Variants in MIPEP observed in about 807,000 individuals in gnomAD.
MIPEP encodes mitochondrial intermediate peptidase.
MIPEP carries 79 observed loss-of-function variants against 90.3 expected under a neutral mutation model. The observed-to-expected ratio is 0.87, with a 90% CI of 0.73 to 1.05. The LOEUF (loss-of-function observed/expected upper bound fraction) is 1.05, where lower values mean the gene tolerates loss of function less well. Among genes scored for constraint, MIPEP ranks in the 50% least tolerant of loss-of-function variants. MIPEP has a pLI of 0.00. For synonymous variants in MIPEP, 334 were observed against 315.8 expected, an observed-to-expected ratio of 1.06 and a Z score of -0.61; for missense variants, 940 against 905.6, an observed-to-expected ratio of 1.04 and a Z score of -0.49.
At chr13:23,751,429 G>A (rs1952439322) in intron 18 of MIPEP, among the ~76,000 whole-genome samples, 1 of 152,210 alleles carries the variant, frequency 6.6e-6, no homozygotes, top group Admixed American at 6.5e-5. Flanking sequence ...AGTTTGTTGA[G>A]AATTGACTCA....
At chr13:23,746,408 T>C (rs1593129240) in intron 18 of MIPEP, among the ~76,000 whole-genome samples, 1 of 151,128 alleles carries the variant, frequency 6.6e-6, no homozygotes, top group African/African-American at 2.4e-5. Flanking sequence ...CTGGGGCAGG[T>C]GAATCACTTG....
chr13:23,744,727 C>T (rs531569565), intron 18 of MIPEP, among the ~76,000 whole-genome samples: 1 of 152,326 alleles, frequency 6.6e-6, no homozygotes, highest in Admixed American at 6.5e-5. Flanking sequence ...ACTTTTATGA[C>T]TCCCTCCTAG....
chr13:23,872,593 T>C lies in MIPEP; in HGVS notation c.603+2253A>G, dbSNP rs572789610. 2.0e-5 allele frequency among the ~76,000 whole-genome samples: 3 copies of C among 152,332 alleles called. No individual in the cohort carries two copies. In the East Asian group the frequency reaches 5.8e-4, roughly 29 times the overall value. On this transcript the variant is annotated intron_variant, in intron 5 of 18. Coordinates refer to ENST00000382172, the MANE Select transcript of MIPEP (RefSeq NM_005932.4). The stretch of plus-strand genomic sequence containing the variant: ...AAAAATGGAACATGTCTACTTTATA[T>C]CCTGTCCTAGTGGAGCACCTCTGAG...
At chr13:23,766,416 T>G (rs904842622) in intron 16 of MIPEP, among the ~76,000 whole-genome samples, 1 of 152,252 alleles carries the variant, frequency 6.6e-6, no homozygotes, top group Non-Finnish European at 1.5e-5. Flanking sequence ...AGCAAGTTCC[T>G]GAGCTCGTCT....
chr13:23,737,513 AC>A (rs1294787031), intron 18 of MIPEP, among the ~76,000 whole-genome samples: 1 of 152,108 alleles, frequency 6.6e-6, no homozygotes, highest in East Asian at 1.9e-4. Context: ...ATATTTCTAC[AC>A]TTTCGCCAAG....
chr13:23,858,416 GAA>G (rs1870135905), intron 10 of MIPEP, among the ~76,000 whole-genome samples: 1 of 104,658 alleles, frequency 9.6e-6, no homozygotes, highest in Non-Finnish European at 1.8e-5. Flanking sequence ...ATAAAAATGA[GAA>G]AACATAAGAG....
At chr13:23,737,077 G>T (rs367954073) in intron 18 of MIPEP, among the ~76,000 whole-genome samples, 1 of 152,190 alleles carries the variant, frequency 6.6e-6, no homozygotes, top group African/African-American at 2.4e-5. Context: ...TGAGAGAAAG[G>T]TCTCATTATT....
intron 10 of MIPEP, among the ~76,000 whole-genome samples, chr13:23,846,696 G>A (rs1869556575): frequency 6.6e-6 from 1 of 152,070 alleles, no homozygotes; most frequent in African/African-American, 2.4e-5. Flanking sequence ...ATCCACTTGT[G>A]GTGTCATGTT....
chr13:23,760,727 T>C (rs866996448), intron 16 of MIPEP, among the ~76,000 whole-genome samples: 33 of 152,230 alleles, frequency 2.2e-4, no homozygotes, highest in African/African-American at 7.2e-4. Context: ...AAGGCAGCCT[T>C]AGCACACTAA....
intron 16 of MIPEP, among the ~76,000 whole-genome samples, chr13:23,790,013 T>C (rs1952883988): frequency 6.6e-6 from 1 of 152,218 alleles, no homozygotes; most frequent in South Asian, 2.1e-4. Flanking sequence ...GAAGGTTCCT[T>C]TCACCTTTTT....
intron 16 of MIPEP, among the ~76,000 whole-genome samples, chr13:23,773,427 A>G (rs1952675396): frequency 6.6e-6 from 1 of 152,086 alleles, no homozygotes; most frequent in Admixed American, 6.5e-5. Flanking sequence ...TTGTGCATAC[A>G]TTTTTGGGTG....
chr13:23,839,963 G>C (rs186514688), intron 11 of MIPEP, among the ~76,000 whole-genome samples: 39 of 152,292 alleles, frequency 2.6e-4, no homozygotes, highest in Non-Finnish European at 1.3e-4. Flanking sequence ...CTCCTCATGA[G>C]GGCCTTTTGT....
intron 6 of MIPEP, 104 bp from the exon 7 acceptor site, chr13:23,869,552 G>A: frequency 1.9e-6 from 2 of 1,076,890 alleles, no homozygotes; most frequent in Non-Finnish European, 2.6e-6. Context: ...GATGATCACT[G>A]CTTTCAAAAT....
intron 18 of MIPEP, among the ~76,000 whole-genome samples, chr13:23,744,328 G>A (rs1442559671): frequency 6.6e-6 from 1 of 152,120 alleles, no homozygotes; most frequent in Non-Finnish European, 1.5e-5. Flanking sequence ...GAGCATCACT[G>A]TATTCCCAAC....
At chr13:23,846,905 A>G (rs937957235) in intron 10 of MIPEP, among the ~76,000 whole-genome samples, 1 of 152,204 alleles carries the variant, frequency 6.6e-6, no homozygotes, top group African/African-American at 2.4e-5. Context: ...AGCCCTTTAT[A>G]CATATCTCAT....
chr13:23,745,063 G>A (rs554177356), intron 18 of MIPEP, among the ~76,000 whole-genome samples: 92 of 152,258 alleles, frequency 6.0e-4, no homozygotes, highest in African/African-American at 2.1e-3. Flanking sequence ...ATTTAGTACC[G>A]AATGGAAAGA....
intron 7 of MIPEP, 104 bp downstream of exon 7, chr13:23,869,188 T>A: frequency 9.7e-7 from 1 of 1,025,902 alleles, no homozygotes; most frequent in Non-Finnish European, 1.4e-6. Context: ...AATGGTTCTC[T>A]ACATGTATTA....
At chr13:23,828,134 T>C (rs1421016695) in intron 14 of MIPEP, among the ~76,000 whole-genome samples, 3 of 152,130 alleles carry the variant, frequency 2.0e-5, no homozygotes, top group Admixed American at 2.0e-4. Flanking sequence ...TAAAATGCAA[T>C]ACCCATTAAT....
At position 23,852,562 on chromosome 13, in the gene MIPEP, C is replaced by T. The variant is rs115351473; in HGVS notation, c.1106+6298G>A. 4.3e-3 allele frequency among the ~76,000 whole-genome samples: 655 copies of T among 152,314 alleles called. 2 individuals are homozygous for T. The highest frequency in any genetic ancestry group is 0.015 in the African/African-American group (628 of 41,572). On this transcript the variant is annotated intron_variant, in intron 10 of 18. Coordinates refer to ENST00000382172, the MANE Select transcript of MIPEP (RefSeq NM_005932.4). ...ATGTCAGAGTACAAGGCATTACTCA[C>T]AGGTTTGTGGTGATGCTGGTGTAAA...
Sources: allele counts gnomAD v4.1 joint callset (sites outside exome capture counted in the v4.1 genomes callset), GRCh38; gene constraint gnomAD v4.1.1; transcripts MANE v1.5; gene names NCBI Gene and HGNC (gene_info 2026-07-23, HGNC 2026-07-21).